Variants in RGS13 observed in about 807,000 individuals in gnomAD.
RGS13 encodes regulator of G-protein signalling 13.
Under a neutral mutation model 19.9 loss-of-function variants are expected in RGS13, and 14 were observed. That is an observed-to-expected ratio of 0.70 (90% CI 0.46 to 1.10). The LOEUF (loss-of-function observed/expected upper bound fraction) is 1.10. RGS13 is among the 50% of genes least tolerant of loss of function. The pLI, the probability that RGS13 is intolerant of heterozygous loss-of-function variation, is 0.00. For synonymous variants in RGS13, 60 were observed against 56.8 expected, an observed-to-expected ratio of 1.06 and a Z score of -0.25; for missense variants, 205 against 187.1, an observed-to-expected ratio of 1.10 and a Z score of -0.56.
intron 3 of RGS13, among the ~76,000 whole-genome samples, chr1:192,642,403 C>A (rs1663140731): frequency 1.3e-5 from 2 of 151,300 alleles, no homozygotes; most frequent in Non-Finnish European, 2.9e-5. Context: ...CACACTGCAG[C>A]CTCAACCCCC....
intron 5 of RGS13, among the ~76,000 whole-genome samples, chr1:192,649,713 C>T (rs553409237): frequency 1.3e-5 from 2 of 152,118 alleles, no homozygotes; most frequent in Admixed American, 1.3e-4. Context: ...ACTTGTACAT[C>T]TATGATTCTT....
At chr1:192,648,138 G>A in intron 5 of RGS13, 151 bp downstream of exon 5, 1 of 459,272 alleles carries the variant, frequency 2.2e-6, no homozygotes, top group Non-Finnish European at 3.9e-6. Flanking sequence ...CCTGAAAATA[G>A]TTTGTTATGT....
chr1:192,642,832 A>G (rs1191928257), intron 3 of RGS13, among the ~76,000 whole-genome samples: 1 of 151,910 alleles, frequency 6.6e-6, no homozygotes, highest in Non-Finnish European at 1.5e-5. Context: ...CCTGTATCCA[A>G]GTCCCCATCA....
intron 5 of RGS13, among the ~76,000 whole-genome samples, chr1:192,648,474 A>G (rs1663259013): frequency 6.6e-6 from 1 of 152,148 alleles, no homozygotes; most frequent in Admixed American, 6.6e-5. Context: ...AATAAGAGAT[A>G]CCAGCAATGG....
chr1:192,656,480 A>C (rs1018808572), intron 5 of RGS13, among the ~76,000 whole-genome samples: 5 of 152,042 alleles, frequency 3.3e-5, no homozygotes, highest in African/African-American at 2.4e-5. Context: ...ATGGTGAGAC[A>C]AGACACAACT....
chr1:192,651,427 C>T (rs1006768412), intron 5 of RGS13, among the ~76,000 whole-genome samples: 4 of 151,874 alleles, frequency 2.6e-5, no homozygotes, highest in East Asian at 1.9e-4. Flanking sequence ...AGACTGGAAG[C>T]GGGAATGAGG....
intron 3 of RGS13, among the ~76,000 whole-genome samples, chr1:192,640,403 A>G (rs1456839518): frequency 6.6e-6 from 1 of 152,154 alleles, no homozygotes; most frequent in Non-Finnish European, 1.5e-5. Context: ...TTCTAGAAAA[A>G]GGTTTTTATT....
At chr1:192,641,406 G>A (rs1363988333) in intron 3 of RGS13, among the ~76,000 whole-genome samples, 5 of 151,870 alleles carry the variant, frequency 3.3e-5, no homozygotes, top group Non-Finnish European at 5.9e-5. Context: ...AGGGAGGAAG[G>A]AGGAGAGGGA....
intron 2 of RGS13, 63 bp downstream of exon 2, chr1:192,637,723 G>A (rs1663040167): frequency 6.6e-6 from 1 of 151,784 alleles, no homozygotes; most frequent in Admixed American, 6.6e-5. Context: ...TGTTTCACTG[G>A]GAATTCTCTT....
intron 5 of RGS13, among the ~76,000 whole-genome samples, chr1:192,656,418 C>T (rs1663441189): frequency 6.6e-6 from 1 of 151,618 alleles, no homozygotes; most frequent in South Asian, 2.1e-4. Context: ...TCTTTAGGAA[C>T]TGGAGTACCA....
chr1:192,654,985 T>A (rs1663409143), intron 5 of RGS13, among the ~76,000 whole-genome samples: 1 of 152,068 alleles, frequency 6.6e-6, no homozygotes, highest in African/African-American at 2.4e-5. Flanking sequence ...CTTCTGAGCA[T>A]AATGTTCAGG....
At chr1:192,636,996 T>C (rs1663028331) in intron 1 of RGS13, among the ~76,000 whole-genome samples, 1 of 151,958 alleles carries the variant, frequency 6.6e-6, no homozygotes, top group African/African-American at 2.4e-5. Context: ...ACAGACAGAA[T>C]TGCTTTAAGA....
chr1:192,642,537 G>A (rs565152556), intron 3 of RGS13, among the ~76,000 whole-genome samples: 77 of 151,862 alleles, frequency 5.1e-4, no homozygotes, highest in Middle Eastern at 3.4e-3. Flanking sequence ...ATGCTGCCCA[G>A]GTTGGTCTCA....
intron 5 of RGS13, among the ~76,000 whole-genome samples, chr1:192,655,538 C>T (rs191136946): frequency 1.3e-5 from 2 of 152,104 alleles, no homozygotes; most frequent in Admixed American, 1.3e-4. Context: ...AGTTCTTAAA[C>T]CCTCTGCTTG....
intron 3 of RGS13, among the ~76,000 whole-genome samples, chr1:192,639,856 A>G (rs927874841): frequency 2.0e-5 from 3 of 152,190 alleles, no homozygotes; most frequent in Non-Finnish European, 4.4e-5. Flanking sequence ...TAGTGCATCC[A>G]GAAATTACTT....
intron 4 of RGS13, chr1:192,645,048 C>T (rs1290657426): frequency 2.6e-5 from 4 of 152,248 alleles, no homozygotes; most frequent in Non-Finnish European, 5.9e-5. Context: ...TGCTCTTTCA[C>T]TAAAATACCA....
intron 5 of RGS13, among the ~76,000 whole-genome samples, chr1:192,653,182 A>C (rs1171566521): frequency 6.6e-6 from 1 of 152,112 alleles, no homozygotes; most frequent in Admixed American, 6.6e-5. Context: ...AAAATTTAAG[A>C]AAACACTAGC....
In RGS13 at chr1:192,641,203, GGA is replaced by G. The variant is rs1558049015; in HGVS notation, c.-5+3001_-5+3002del. ...GAAAAGAAAGAAAAAAAAGAAAAAA[GGA>G]AAGAAAGAAAGAAAGAGAGAAAGAA... is the stretch of plus-strand genomic sequence containing the variant. On this transcript the variant is annotated intron_variant, in intron 3 of 6. Coordinates refer to ENST00000391995, the MANE Select transcript of RGS13 (RefSeq NM_002927.5). 4.0e-3 allele frequency among the ~76,000 whole-genome samples: 382 copies of G among 96,020 alleles called. 5 individuals carry two copies. Among genetic ancestry groups the G allele is most frequent in the East Asian group, 0.017 (45 of 2,678 alleles). The allele number at this position is 96,020 out of a possible 152,430, so 63.0% of individuals were successfully genotyped here. A position where few individuals can be genotyped will look rare whatever the true frequency, so the allele number is the denominator to read the frequency against.
chr1:192,654,532 AC>A (rs1215768440), intron 5 of RGS13, among the ~76,000 whole-genome samples: 14 of 152,168 alleles, frequency 9.2e-5, no homozygotes, highest in African/African-American at 3.4e-4. Context: ...CTCCACACAT[AC>A]TATGGTAGAA....
Sources: allele counts gnomAD v4.1 joint callset (sites outside exome capture counted in the v4.1 genomes callset), GRCh38; gene constraint gnomAD v4.1.1; transcripts MANE v1.5; gene names NCBI Gene and HGNC (gene_info 2026-07-23, HGNC 2026-07-21).